PSMB10: variants seen among roughly 807,000 people sequenced by gnomAD.
The protein encoded by PSMB10 is proteasome 20S subunit beta 10.
In PSMB10, 29 loss-of-function variants were observed where a neutral mutation model predicts 29.8. The ratio of observed to expected loss-of-function variants is 0.97; its 90% CI spans 0.73 to 1.33. PSMB10 has a LOEUF of 1.33. Among genes scored for constraint, PSMB10 ranks in the 40% most tolerant of loss-of-function variants. PSMB10 has a pLI of 0.00. For missense variants in PSMB10, 327 were observed against 369.2 expected, an observed-to-expected ratio of 0.89 and a Z score of 0.94; for synonymous variants, 157 against 164.7, an observed-to-expected ratio of 0.95 and a Z score of 0.36.
At chr16:67,935,176 T>G in intron 6 of PSMB10, 1 of 703,462 alleles carries the variant, frequency 1.4e-6, no homozygotes, top group Non-Finnish European at 2.3e-6. Flanking sequence ...CTACTGGTCC[T>G]TCTCTCCGCC....
chr16:67,935,042 T>G, intron 6 of PSMB10, 94 bp from the exon 7 acceptor site: 1 of 1,492,172 alleles, frequency 6.7e-7, no homozygotes, highest in Non-Finnish European at 9.0e-7. Flanking sequence ...CCCAATCTGG[T>G]CTTGCCCTCC....
At chr16:67,935,355 G>GCTCC in intron 6 of PSMB10, 65 bp downstream of exon 6, 1 of 1,600,066 alleles carries the variant, frequency 6.2e-7, no homozygotes, top group South Asian at 1.1e-5. Context: ...AGGGTCCTGT[G>GCTCC]CTCCCCCAGC....
At chr16:67,935,847 C>A (rs766427512) in intron 4 of PSMB10, 116 bp downstream of exon 4, 3 of 1,488,252 alleles carry the variant, frequency 2.0e-6, no homozygotes, top group Admixed American at 2.1e-5. Context: ...TCTCTTGGGC[C>A]GGCCTCTTCC....
intron 1 of PSMB10, 38 bp downstream of exon 1, chr16:67,936,656 C>T (rs746085083): frequency 2.0e-5 from 30 of 1,524,880 alleles, no homozygotes; most frequent in Middle Eastern, 1.7e-4. Flanking sequence ...CAAGCAGAGG[C>T]GGCTCAGGAG....
Position 67,934,550 on chromosome 16 carries a change from A to G in PSMB10, c.*10T>C. 3 of 1,609,708 alleles carry G rather than the reference A, an allele frequency of 1.9e-6. No individual in the cohort carries two copies. Among genetic ancestry groups the G allele is most frequent in the Non-Finnish European group, 2.6e-6 (3 of 1,176,042 alleles). On this transcript the variant is annotated 3_prime_UTR_variant, in exon 8 of 8. Transcript: ENST00000358514. The surrounding 1 kb of genome is among the most constrained non-coding windows in gnomAD (Gnocchi z 4.3). ...TTTATTCCCCCTTGTTCCAAGCTCT[A>G]AGCCTCAGCTTACTCCACCTCCATA...
intron 6 of PSMB10, 169 bp from the exon 7 acceptor site, chr16:67,935,117 T>C: frequency 1.1e-6 from 1 of 879,386 alleles, no homozygotes; most frequent in Non-Finnish European, 1.7e-6. Context: ...CCTGCTTCCA[T>C]CCCACCCCAA....
Position 67,936,203 on chromosome 16 carries a change from C to T in PSMB10, c.242+12G>A, listed in dbSNP as rs752621464. 8 of 1,613,594 alleles carry T rather than the reference C, an allele frequency of 5.0e-6. No individual in the cohort carries two copies. In the South Asian group the frequency reaches 5.5e-5, roughly 11 times the overall value. On this transcript the variant is annotated intron_variant, in intron 3 of 7. Coordinates refer to ENST00000358514, the MANE Select transcript of PSMB10 (RefSeq NM_002801.4). ...CTTTTTTGCGTACGGGAACTGGGCT[C>T]GGGAGTCTCACTAGATTTTGGGGGC... is the stretch of plus-strand genomic sequence containing the variant.
chr16:67,936,724 CG>C lies in PSMB10; in HGVS notation c.25del (p.Arg9GlufsTer79). MLKPALEP[R>X]GGFSFENCQR... ...GCAGTTCTCGAAGGAGAAGCCCCCT[CG>C]GGGCTCCAGGGCTGGCTTCAGCATC... On this transcript the variant is annotated frameshift_variant, in exon 1 of 8. Coordinates refer to ENST00000358514, the MANE Select transcript of PSMB10 (RefSeq NM_002801.4). LOFTEE classifies it high-confidence loss of function. The C allele has an allele frequency of 1.3e-6, 2 of 1,557,040 alleles. No individual in the cohort carries two copies.
Position 67,936,274 on chromosome 16 carries a change from G to C in PSMB10, c.183C>G (p.Asn61Lys). The C allele has an allele frequency of 6.2e-7, 1 of 1,613,982 alleles. No individual in the cohort carries two copies. Among genetic ancestry groups the C allele is most frequent in the Non-Finnish European group, 8.5e-7 (1 of 1,179,974 alleles). The change falls in exon 3 of 8, where the codon AAC becomes AAG. Residue 61 changes from asparagine (N) to lysine (K), a missense_variant. Transcript: ENST00000358514. ...VILGADTRAT[N>K]DSVVADKSCE... ...AGCTCTTGTCCGCCACGACCGAATC[G>C]TTAGTGGCTCGCGTATCGGCGCCCA...
Position 67,934,752 on chromosome 16 carries a change from C to T in PSMB10, c.710+45G>A. 1 of 1,610,786 alleles carries T rather than the reference C, an allele frequency of 6.2e-7. No individual in the cohort carries two copies. Among genetic ancestry groups the T allele is most frequent in the Non-Finnish European group, 8.5e-7 (1 of 1,177,200 alleles). ...TTTTTGCAGCCCCCTATCTCCCCTG[C>T]TATAGCCCCACACATCCCTGTGGTC... is the stretch of plus-strand genomic sequence containing the variant. On this transcript the variant is annotated intron_variant, in intron 7 of 7. Transcript: ENST00000358514. The surrounding 1 kb of genome is among the most constrained non-coding windows in gnomAD (Gnocchi z 4.3).
At position 67,934,977 on chromosome 16, in the gene PSMB10, G is replaced by A. The variant is rs757859741; in HGVS notation, c.559-29C>T. ...CGGTGATGGGTGTGTGAGACCTAAC[G>A]GGCTCTCTCTGCTGTTAACTTAGGC... is the stretch of plus-strand genomic sequence containing the variant. On this transcript the variant is annotated intron_variant, in intron 6 of 7. Coordinates refer to ENST00000358514, the MANE Select transcript of PSMB10 (RefSeq NM_002801.4). The surrounding 1 kb of genome is among the most constrained non-coding windows in gnomAD (Gnocchi z 4.3). 2.6e-5 allele frequency: 42 copies of A among 1,602,354 alleles called. 1 individual carries two copies. In the South Asian group the frequency reaches 4.6e-4, roughly 18 times the overall value.
At chr16:67,935,256 TTA>T in intron 6 of PSMB10, 162 bp downstream of exon 6, 3 of 846,302 alleles carry the variant, frequency 3.5e-6, no homozygotes, top group Non-Finnish European at 5.5e-6. Flanking sequence ...TTGGACGGTG[TTA>T]TGTCGGGACC....
chr16:67,934,529 T>C lies in PSMB10; in HGVS notation c.*31A>G. On this transcript the variant is annotated 3_prime_UTR_variant, in exon 8 of 8. Coordinates refer to ENST00000358514, the MANE Select transcript of PSMB10 (RefSeq NM_002801.4). The surrounding 1 kb of genome is among the most constrained non-coding windows in gnomAD (Gnocchi z 4.3). ...TGTTTAACTGTATTTTCTGGGTTTA[T>C]TCCCCCTTGTTCCAAGCTCTAAGCC... 6.3e-7 allele frequency: 1 copy of C among 1,585,912 alleles called. No homozygotes were observed. Among genetic ancestry groups the C allele is most frequent in the Admixed American group, 1.7e-5 (1 of 59,916 alleles).
chr16:67,936,358 T>G (rs2058264123), intron 2 of PSMB10, 40 bp downstream of exon 2: 2 of 1,610,604 alleles, frequency 1.2e-6, no homozygotes, highest in African/African-American at 1.3e-5. Flanking sequence ...CTCGATACTC[T>G]CGGCTCCCCT....
chr16:67,935,514 C>T, intron 5 of PSMB10, 36 bp from the exon 6 acceptor site: 1 of 1,613,994 alleles, frequency 6.2e-7, no homozygotes, highest in Non-Finnish European at 8.5e-7. Context: ...TCAACCGCTG[C>T]GACGCCGTTT....
At chr16:67,935,117 T>G in intron 6 of PSMB10, 169 bp from the exon 7 acceptor site, 1 of 879,386 alleles carries the variant, frequency 1.1e-6, no homozygotes, top group South Asian at 1.7e-5. Flanking sequence ...CCTGCTTCCA[T>G]CCCACCCCAA....
chr16:67,936,429 GT>G lies in PSMB10; in HGVS notation c.112del (p.Thr38ProfsTer50), dbSNP rs1349081283. 1 of 1,613,536 alleles carries G rather than the reference GT, an allele frequency of 6.2e-7. No homozygotes were observed. The highest frequency in any genetic ancestry group is 2.2e-5 in the East Asian group (1 of 44,856). ...PGLKVPHARK[T>X]GTTIAGLVFQ... ...CACCAGGCCCGCGATGGTGGTCCCG[GT>G]CTTGCGTGCGTGAGGGACCTTGAGC... is the stretch of plus-strand genomic sequence containing the variant. On this transcript the variant is annotated frameshift_variant, in exon 2 of 8. Transcript: ENST00000358514. LOFTEE classifies it high-confidence loss of function.
At chr16:67,935,303 TG>T in intron 6 of PSMB10, 116 bp downstream of exon 6, 1 of 1,273,022 alleles carries the variant, frequency 7.9e-7, no homozygotes, top group Non-Finnish European at 1.1e-6. Context: ...CACCCTTCAG[TG>T]GTCACCTCCT....
intron 1 of PSMB10, 70 bp from the exon 2 acceptor site, chr16:67,936,555 T>G (rs2151318675): frequency 2.0e-6 from 3 of 1,470,946 alleles, no homozygotes; most frequent in South Asian, 2.5e-5. Flanking sequence ...CCTAACCTGG[T>G]CCCCGTCTCC....
Sources: allele counts gnomAD v4.1 joint callset, GRCh38; gene constraint gnomAD v4.1.1; non-coding constraint Gnocchi (gnomAD v3.1); transcripts MANE v1.5; gene names NCBI Gene and HGNC (gene_info 2026-07-23, HGNC 2026-07-21).